Variants in EFCAB10 observed in about 807,000 individuals in gnomAD.
EFCAB10 encodes EF-hand calcium binding domain 10.
A neutral mutation model predicts 7.7 loss-of-function variants in EFCAB10; 7 were observed. That is an observed-to-expected ratio of 0.91 (90% CI 0.52 to 1.72). The LOEUF is 1.72. EFCAB10 is among the 40% of genes most tolerant of loss of function. The probability of loss-of-function intolerance (pLI) is 0.00; values close to 1 mark genes in which losing one functional copy is unlikely to be tolerated. For synonymous variants in EFCAB10, 52 were observed against 21.0 expected (o/e 2.47, Z -4.03); for missense variants, 112 against 61.5 (o/e 1.82, Z -2.74).
intron 1 of EFCAB10, among the ~76,000 whole-genome samples, chr7:105,575,312 T>A (rs1373984781): frequency 6.6e-6 from 1 of 151,828 alleles, no homozygotes; most frequent in African/African-American, 2.4e-5. Flanking sequence ...TACACATACA[T>A]ATATATATAT....
At chr7:105,579,351 G>A (rs1792166126) in intron 1 of EFCAB10, among the ~76,000 whole-genome samples, 1 of 152,102 alleles carries the variant, frequency 6.6e-6, no homozygotes, top group South Asian at 2.1e-4. Flanking sequence ...ACACAGCTGG[G>A]GGTACGGGGT....
intron 1 of EFCAB10, among the ~76,000 whole-genome samples, chr7:105,580,082 T>A (rs1201028527): frequency 6.6e-6 from 1 of 152,064 alleles, no homozygotes; most frequent in Non-Finnish European, 1.5e-5. Flanking sequence ...GCCTCCCAGG[T>A]TCACGTGATC....
At chr7:105,571,454 C>A (rs888196318) in intron 1 of EFCAB10, 3 of 152,162 alleles carry the variant, frequency 2.0e-5, no homozygotes, top group African/African-American at 7.2e-5. Flanking sequence ...ACAGTATCAT[C>A]CCAAAGACAA....
At chr7:105,572,636 C>T (rs1321856604) in intron 1 of EFCAB10, 1 of 152,234 alleles carries the variant, frequency 6.6e-6, no homozygotes, top group East Asian at 1.9e-4. Context: ...CACAATCCCA[C>T]CGGTAGTGTA....
At chr7:105,575,813 G>A (rs1792063792) in intron 1 of EFCAB10, among the ~76,000 whole-genome samples, 1 of 152,120 alleles carries the variant, frequency 6.6e-6, no homozygotes, top group Non-Finnish European at 1.5e-5. Context: ...CGAGGTGGGA[G>A]GATCGCCTGA....
chr7:105,566,201 C>G (rs1397866737), intron 4 of EFCAB10: 1 of 151,202 alleles, frequency 6.6e-6, no homozygotes, highest in Non-Finnish European at 1.5e-5. Context: ...TGATGTGAAC[C>G]CGGGAGGCGG....
At chr7:105,577,738 A>G (rs1165030526) in intron 1 of EFCAB10, among the ~76,000 whole-genome samples, 5 of 136,492 alleles carry the variant, frequency 3.7e-5, no homozygotes, top group African/African-American at 1.1e-4. Flanking sequence ...TTTTTCCTTG[A>G]GGCAGAGTCT....
chr7:105,566,393 C>T (rs1215372072), intron 4 of EFCAB10: 1 of 152,046 alleles, frequency 6.6e-6, no homozygotes, highest in East Asian at 1.9e-4. Context: ...CATAGTAGCC[C>T]ACATCTGTAA....
At chr7:105,568,239 AT>A (rs1791842331) in intron 3 of EFCAB10, among the ~76,000 whole-genome samples, 1 of 152,076 alleles carries the variant, frequency 6.6e-6, no homozygotes, top group Non-Finnish European at 1.5e-5. Context: ...TCAAAAGTTT[AT>A]TTTTTCTTGT....
At chr7:105,576,734 G>A (rs1042654722) in intron 1 of EFCAB10, among the ~76,000 whole-genome samples, 22 of 152,198 alleles carry the variant, frequency 1.4e-4, no homozygotes, top group Non-Finnish European at 8.8e-5. Context: ...GTGAGCCACC[G>A]CGCCTAGCCG....
chr7:105,574,882 G>A (rs62487004), intron 1 of EFCAB10, among the ~76,000 whole-genome samples: 14 of 150,240 alleles, frequency 9.3e-5, no homozygotes, highest in Non-Finnish European at 2.1e-4. Context: ...GATCACCTGA[G>A]GTCAGGAGTT....
At chr7:105,567,829 G>A (rs189316265) in intron 3 of EFCAB10, among the ~76,000 whole-genome samples, 6 of 151,926 alleles carry the variant, frequency 3.9e-5, no homozygotes, top group Non-Finnish European at 8.8e-5. Context: ...GCAGGAGTGC[G>A]AAAACATCCT....
chr7:105,568,198 T>C (rs545715653), intron 3 of EFCAB10, among the ~76,000 whole-genome samples: 1 of 152,302 alleles, frequency 6.6e-6, no homozygotes, highest in African/African-American at 2.4e-5. Flanking sequence ...TAAACATTTT[T>C]ATTATTTATG....
intron 1 of EFCAB10, among the ~76,000 whole-genome samples, chr7:105,576,380 T>C (rs908556810): frequency 1.3e-5 from 2 of 152,168 alleles, no homozygotes; most frequent in African/African-American, 4.8e-5. Context: ...TCAGTGTTTC[T>C]GTACCTATGG....
chr7:105,580,474 T>TTTTTTA lies in EFCAB10; in HGVS notation c.106+878_106+883dup, dbSNP rs748539955. Among the ~76,000 whole-genome samples the TTTTTTA allele has an allele frequency of 2.6e-5, 4 of 152,222 alleles. No individual in the cohort carries two copies. In the East Asian group the frequency reaches 5.8e-4, roughly 22 times the overall value. On this transcript the variant is annotated intron_variant, in intron 1 of 4. Transcript: ENST00000480514. ...GGCCTGAGCCACTGCTCCTGGCCTATTTTTTATTTTTATTTTTATTTTTGA... is the reference window on the plus strand; with the variant it reads ...GGCCTGAGCCACTGCTCCTGGCCTATTTTTTATTTTTATTTTTATTTTTATTTTTGA...
intron 1 of EFCAB10, among the ~76,000 whole-genome samples, chr7:105,578,020 T>A (rs1792129063): frequency 6.6e-6 from 1 of 152,194 alleles, no homozygotes; most frequent in Non-Finnish European, 1.5e-5. Context: ...CACCTTGGCC[T>A]CCCAAAGTGC....
rs952224777 is a variant in EFCAB10, at chr7:105,565,475, G to A, written c.*-28C>T. ...ACCAAGAAGTAAGTAAGAATAGACTGTTTTTGGGCTGTGATAATAAAGACA... is the reference window on the plus strand; with the variant it reads ...ACCAAGAAGTAAGTAAGAATAGACTATTTTTGGGCTGTGATAATAAAGACA... On this transcript the variant is annotated intron_variant, in intron 4 of 4. Transcript: ENST00000480514. 2.5e-6 allele frequency: 4 copies of A among 1,611,484 alleles called. No homozygotes were observed. The highest frequency in any genetic ancestry group is 1.3e-5 in the African/African-American group (1 of 74,818).
intron 1 of EFCAB10, among the ~76,000 whole-genome samples, chr7:105,580,848 G>A (rs1295680314): frequency 6.6e-6 from 1 of 152,152 alleles, no homozygotes; most frequent in South Asian, 2.1e-4. Flanking sequence ...AGGGGGTTCA[G>A]ATGTGTAAAA....
chr7:105,580,983 G>A (rs183226711), intron 1 of EFCAB10, among the ~76,000 whole-genome samples: 169 of 152,274 alleles, frequency 1.1e-3, no homozygotes, highest in Non-Finnish European at 1.5e-3. Context: ...ACTTTGAGGC[G>A]CCGAGGCGTG....
Sources: gnomAD v4.1 joint callset for allele counts (sites outside exome capture counted in the v4.1 genomes callset) on GRCh38, gnomAD v4.1.1 for gene constraint, MANE v1.5 for transcripts, NCBI Gene and HGNC (gene_info 2026-07-23, HGNC 2026-07-21) for gene names.